The following MTOR variants were observed in gnomAD, a reference collection of about 807,000 sequenced individuals.
The protein encoded by MTOR is serine/threonine-protein kinase mTOR.
A neutral mutation model predicts 319.8 loss-of-function variants in MTOR; 70 were observed. The ratio of observed to expected loss-of-function variants is 0.22; its 90% CI spans 0.18 to 0.27. The LOEUF (loss-of-function observed/expected upper bound fraction) is 0.27. MTOR is among the 10% of genes least tolerant of loss of function. The pLI, the probability that MTOR is intolerant of heterozygous loss-of-function variation, is 1.00. For synonymous variants in MTOR, 1,183 were observed against 1,211.4 expected (o/e 0.98, Z 0.49); for missense variants, 1,890 against 3,274.4 (o/e 0.58, Z 10.32).
At position 11,199,361 on chromosome 1, in the gene MTOR, C is replaced by T; in HGVS notation, c.4150G>A (p.Gly1384Ser). The change falls in exon 28 of 58, where the codon GGT becomes AGT. Residue 1384 changes from glycine (G) to serine (S), a missense_variant. Transcript: ENST00000361445. This position sits in a 1 kb window ranked among gnomAD's most constrained non-coding sequence, Gnocchi z 4.5. ...LRDDNGIVLLGERAAKCRAYA... is the reference protein window; with the variant it reads ...LRDDNGIVLLSERAAKCRAYA... Reference sequence around the variant, plus strand: ...GCTCGGCACTTGGCAGCTCTCTCACCCAGCAGAACAATGCCATTGTCATCT... The same window carrying T: ...GCTCGGCACTTGGCAGCTCTCTCACTCAGCAGAACAATGCCATTGTCATCT... 6.2e-7 allele frequency: 1 copy of T among 1,614,148 alleles called. No homozygotes were observed. Among genetic ancestry groups the T allele is most frequent in the Non-Finnish European group, 8.5e-7 (1 of 1,180,016 alleles).
chr1:11,141,758 G>T (rs1053787490), intron 34 of MTOR, among the ~76,000 whole-genome samples: 1 of 149,936 alleles, frequency 6.7e-6, no homozygotes, highest in Non-Finnish European at 1.5e-5. Flanking sequence ...AGGCTGAGGT[G>T]GGGGGATCAC....
At position 11,199,522 on chromosome 1, in the gene MTOR, C is replaced by A; in HGVS notation, c.4107+19G>T. On this transcript the variant is annotated intron_variant, in intron 27 of 57. Coordinates refer to ENST00000361445, the MANE Select transcript of MTOR (RefSeq NM_004958.4). The surrounding 1 kb of genome is among the most constrained non-coding windows in gnomAD (Gnocchi z 4.5). ...GGTTCCCTGTCAGCCTCCATCTGGACAATGGGGAAAAGTCTCACCTTGTCA... is the reference window on the plus strand; with the variant it reads ...GGTTCCCTGTCAGCCTCCATCTGGAAAATGGGGAAAAGTCTCACCTTGTCA... 1 of 1,614,002 alleles carries A rather than the reference C, an allele frequency of 6.2e-7. No individual in the cohort carries two copies. The highest frequency in any genetic ancestry group is 2.2e-5 in the East Asian group (1 of 44,900).
intron 34 of MTOR, among the ~76,000 whole-genome samples, chr1:11,140,995 AAAAAGACTGTTG>A: frequency 6.6e-6 from 1 of 151,224 alleles, no homozygotes; most frequent in Non-Finnish European, 1.5e-5. Context: ...AAAAAAAAAA[AAAAAGACTGTTG>A]AGATGCCATG....
intron 29 of MTOR, among the ~76,000 whole-genome samples, chr1:11,162,591 A>G (rs1315837171): frequency 6.6e-6 from 1 of 152,250 alleles, no homozygotes; most frequent in Non-Finnish European, 1.5e-5. Flanking sequence ...ATCTCTTGGC[A>G]GAAACTCCAC....
intron 4 of MTOR, 63 bp from the exon 5 acceptor site, chr1:11,256,255 A>T (rs1241051588): frequency 2.6e-6 from 4 of 1,555,504 alleles, no homozygotes; most frequent in Non-Finnish European, 3.5e-6. Flanking sequence ...TCAGGAGTAC[A>T]GTCTCTTGTC....
chr1:11,134,639 T>C (rs1005790728), intron 36 of MTOR, among the ~76,000 whole-genome samples, 173 bp from the exon 37 acceptor site: 7 of 152,214 alleles, frequency 4.6e-5, no homozygotes, highest in Non-Finnish European at 1.0e-4. Flanking sequence ...TGGGAGAGAC[T>C]GGGCTTTTCA....
intron 28 of MTOR, among the ~76,000 whole-genome samples, chr1:11,175,901 T>C (rs1644973604): frequency 6.6e-6 from 1 of 152,094 alleles, no homozygotes; most frequent in African/African-American, 2.4e-5. Context: ...GCGCCACTAC[T>C]GCCCAGCTAA....
rs1006706234 is a variant in MTOR, at chr1:11,232,418, G to A, written c.2514+18C>T. 6.3e-7 allele frequency: 1 copy of A among 1,593,336 alleles called. No homozygotes were observed. The highest frequency in any genetic ancestry group is 1.7e-4 in the Middle Eastern group (1 of 6,024). On this transcript the variant is annotated intron_variant, in intron 16 of 57. Coordinates refer to ENST00000361445, the MANE Select transcript of MTOR (RefSeq NM_004958.4). ...TCATGGGGTCTGTCTTGCTCAATCAGGAAGCAGTAATACTCACCTGCCTTT... is the reference window on the plus strand; with the variant it reads ...TCATGGGGTCTGTCTTGCTCAATCAAGAAGCAGTAATACTCACCTGCCTTT...
rs1283394829 is a variant in MTOR, at chr1:11,199,395, C to A, written c.4116G>T (p.Leu1372=). 2 of 1,614,182 alleles carry A rather than the reference C, an allele frequency of 1.2e-6. No individual in the cohort carries two copies. The part of the protein sequence containing the change: ...EFMEHSDKGP[L]PLRDDNGIVL... Reference sequence around the variant, plus strand: ...CAATGCCATTGTCATCTCTCAGTGGCAGGGGGCCCTGGAGAAGAGCAAAAC... The same window carrying A: ...CAATGCCATTGTCATCTCTCAGTGGAAGGGGGCCCTGGAGAAGAGCAAAAC... The change falls in exon 28 of 58, where the codon CTG becomes CTT. Residue 1372 remains leucine, a synonymous_variant. Coordinates refer to ENST00000361445, the MANE Select transcript of MTOR (RefSeq NM_004958.4). The surrounding 1 kb of genome is among the most constrained non-coding windows in gnomAD (Gnocchi z 4.5).
In MTOR at chr1:11,121,911, A is replaced by T. The variant is rs563716651; in HGVS notation, c.6810+68T>A. The T allele has an allele frequency of 6.3e-7, 1 of 1,577,334 alleles. No homozygotes were observed. The highest frequency in any genetic ancestry group is 8.6e-7 in the Non-Finnish European group (1 of 1,157,322). Reference sequence around the variant, plus strand: ...AGTGACAGACATACAGAGAGGAATGAGAAAAGCAGCGCTACGGAGATTCCC... The same window carrying T: ...AGTGACAGACATACAGAGAGGAATGTGAAAAGCAGCGCTACGGAGATTCCC... On this transcript the variant is annotated intron_variant, in intron 48 of 57. Coordinates refer to ENST00000361445, the MANE Select transcript of MTOR (RefSeq NM_004958.4). This position sits in a 1 kb window ranked among gnomAD's most constrained non-coding sequence, Gnocchi z 4.9.
At chr1:11,228,518 T>C (rs1310341472) in intron 19 of MTOR, 150 bp downstream of exon 19, 1 of 1,076,418 alleles carries the variant, frequency 9.3e-7, no homozygotes, top group Non-Finnish European at 1.3e-6. Context: ...AGTGAGCTGA[T>C]TGTACACTTT....
chr1:11,156,532 C>T (rs1184403003), intron 30 of MTOR, among the ~76,000 whole-genome samples: 1 of 152,114 alleles, frequency 6.6e-6, no homozygotes, highest in Non-Finnish European at 1.5e-5. Context: ...TATCTCCTAA[C>T]TCTCAGTCCT....
rs571156267 is a variant in MTOR at position 11,130,640 on chromosome 1, C to CGTGGTGGCGGCA, written c.5490_5501dup (p.Thr1834_Thr1837dup). ...TGGCAGTGGTGGTGGCAGTGGCGGC[C>CGTGGTGGCGGCA]GTGGTGGCGGCAGTGGTGGCGTTGG... On this transcript the variant is annotated inframe_insertion, in exon 39 of 58. Transcript: ENST00000361445. 6.2e-7 allele frequency: 1 copy of CGTGGTGGCGGCA among 1,613,572 alleles called. No individual in the cohort carries two copies. The highest frequency in any genetic ancestry group is 2.2e-5 in the East Asian group (1 of 44,860).
In MTOR at chr1:11,128,459, G is replaced by A; in HGVS notation, c.5905C>T (p.Pro1969Ser). 1 of 1,613,990 alleles carries A rather than the reference G, an allele frequency of 6.2e-7. No individual in the cohort carries two copies. Among genetic ancestry groups the A allele is most frequent in the Non-Finnish European group, 8.5e-7 (1 of 1,179,878 alleles). Residue 1969 changes from proline (P) to serine (S), a missense_variant, in exon 42 of 58, where the codon CCC becomes TCC. By Grantham distance (74) the Pro-to-Ser change is moderately conservative. This residue lies in a region of MTOR where 249 missense variants were observed against 596.2 expected (regional missense o/e 0.42). Transcript: ENST00000361445. This position sits in a 1 kb window ranked among gnomAD's most constrained non-coding sequence, Gnocchi z 5.3. ...TGCCCAGAGTCTCCACATACCTGGG[G>A]GTGGTACCGACCAATGTCTGTGAGA... is the stretch of plus-strand genomic sequence containing the variant. ...QLLTDIGRYH[P>S]QALIYPLTVA... is the part of the protein sequence containing the mutation.
At chr1:11,175,606 G>A (rs572812062) in intron 28 of MTOR, among the ~76,000 whole-genome samples, 2 of 152,326 alleles carry the variant, frequency 1.3e-5, no homozygotes, top group Admixed American at 6.5e-5. Context: ...GCAAGCATGC[G>A]AGCTGAGCAG....
Position 11,254,832 on chromosome 1 carries a change from A to G in MTOR, c.706-859T>C, listed in dbSNP as rs1473532576. ...AAGTCTGGAGTGCAGTGGCATGATC[A>G]TGACTCACTGCAGCCTTGATCTCTT... is the stretch of plus-strand genomic sequence containing the variant. On this transcript the variant is annotated intron_variant, in intron 5 of 57. Transcript: ENST00000361445. 2.3e-4 allele frequency among the ~76,000 whole-genome samples: 35 copies of G among 150,886 alleles called. No homozygotes were observed. The Admixed American group carries it at 2.3e-3, about 10-fold the overall frequency.
intron 8 of MTOR, among the ~76,000 whole-genome samples, chr1:11,243,520 G>A (rs768359711): frequency 2.6e-5 from 4 of 151,882 alleles, no homozygotes; most frequent in Non-Finnish European, 4.4e-5. Flanking sequence ...GTGAGACCCT[G>A]TCTCTACAAA....
rs950653302 is a variant in MTOR, at chr1:11,123,409, CTT to C, written c.6662+1087_6662+1088del. On this transcript the variant is annotated intron_variant, in intron 47 of 57. Coordinates refer to ENST00000361445, the MANE Select transcript of MTOR (RefSeq NM_004958.4). ...GTAGCTGGGACTACACTGTGCCCAG[CTT>C]TTTTTTTTTTTTTTTTTTGTAGAGA... is the stretch of plus-strand genomic sequence containing the variant. Among the ~76,000 whole-genome samples the C allele has an allele frequency of 2.5e-3, 301 of 122,008 alleles. 1 individual carries two copies. Among genetic ancestry groups the C allele is most frequent in the African/African-American group, 8.7e-3 (273 of 31,202 alleles). 80.0% of individuals were successfully genotyped at this position (122,008 alleles called of 152,430 possible).
At chr1:11,120,455 T>C (rs140812949) in intron 49 of MTOR, among the ~76,000 whole-genome samples, 1,687 of 151,902 alleles carry the variant, frequency 0.011, 34 homozygotes, top group African/African-American at 0.038. Context: ...GGAGAATCGC[T>C]TGAACCCAGG....
Sources: gnomAD v4.1 joint callset for allele counts (sites outside exome capture counted in the v4.1 genomes callset) on GRCh38, gnomAD v4.1.1 for gene constraint, gnomAD v4.1.1 regional missense constraint, Gnocchi (gnomAD v3.1) non-coding constraint, MANE v1.5 for transcripts, NCBI Gene and HGNC (gene_info 2026-07-23, HGNC 2026-07-21) for gene names.